The following ORC1 variants were observed in gnomAD, a reference collection of about 807,000 sequenced individuals.
ORC1 encodes origin recognition complex, subunit 1 homolog.
ORC1 carries 61 observed loss-of-function variants against 98.9 expected under a neutral mutation model. The observed-to-expected ratio is 0.62, with a 90% CI of 0.50 to 0.76. The LOEUF (loss-of-function observed/expected upper bound fraction) is 0.76. Ranked by LOEUF, ORC1 falls within the 30% of genes least tolerant of loss-of-function variation. The probability of loss-of-function intolerance (pLI) is 0.00; values close to 1 mark genes in which losing one functional copy is unlikely to be tolerated. For missense variants in ORC1, 979 were observed against 1,072.2 expected (o/e 0.91, Z 1.21); for synonymous variants, 385 against 406.9 (o/e 0.95, Z 0.65).
intron 6 of ORC1, among the ~76,000 whole-genome samples, chr1:52,390,447 A>C (rs1438631100): frequency 6.6e-6 from 1 of 152,238 alleles, no homozygotes; most frequent in Non-Finnish European, 1.5e-5. Context: ...TAAAGTGGGA[A>C]AAGGACACCC....
upstream of ORC1, among the ~76,000 whole-genome samples, chr1:52,408,090 A>T (rs1648048713): frequency 6.6e-6 from 1 of 150,610 alleles, no homozygotes; most frequent in Non-Finnish European, 1.5e-5. Flanking sequence ...AAAATACAAA[A>T]ATTAGCTGGG....
upstream of ORC1, chr1:52,408,497 A>T: frequency 6.2e-7 from 1 of 1,600,580 alleles, no homozygotes; most frequent in Non-Finnish European, 8.6e-7. Context: ...CACTACTGTC[A>T]TGAGAACAGC....
chr1:52,388,281 ACTTAGGTCC>A, intron 8 of ORC1, among the ~76,000 whole-genome samples, 152 bp downstream of exon 8: 1 of 152,340 alleles, frequency 6.6e-6, no homozygotes, highest in East Asian at 1.9e-4. Context: ...CCTAGTGTTC[ACTTAGGTCC>A]CCTTCTCCAT....
At chr1:52,385,752 T>C (rs1647134021) in intron 9 of ORC1, 100 bp downstream of exon 9, 1 of 800,894 alleles carries the variant, frequency 1.2e-6, no homozygotes, top group African/African-American at 1.7e-5. Context: ...ACAGTGTATC[T>C]ACCTTTATTA....
intron 14 of ORC1, among the ~76,000 whole-genome samples, chr1:52,376,359 A>G (rs1646994716): frequency 6.6e-6 from 1 of 152,182 alleles, no homozygotes; most frequent in Non-Finnish European, 1.5e-5. Context: ...TACTAAAAAT[A>G]CAAAAATCAG....
At position 52,381,648 on chromosome 1, in the gene ORC1, G is replaced by A. The variant is rs896710176; in HGVS notation, c.2127C>T (p.Ala709=). ...GGTGCAGCTGGTGACTTACCTTCCT[G>A]GCTACCAGCTGGATGGCATCATCTT... ...AFEDDAIQLV[A]RKVAALSGDA... Residue 709 remains alanine, a synonymous_variant, in exon 14 of 17, where the codon GCC becomes GCT. Transcript: ENST00000371568. 6.2e-7 allele frequency: 1 copy of A among 1,612,522 alleles called. No homozygotes were observed. Among genetic ancestry groups the A allele is most frequent in the Non-Finnish European group, 8.5e-7 (1 of 1,179,686 alleles).
In ORC1 at chr1:52,389,248, A is replaced by G; in HGVS notation, c.1156T>C (p.Leu386=). The change falls in exon 7 of 17, where the codon TTG becomes CTG. Residue 386 remains leucine (L), a synonymous_variant. Transcript: ENST00000371568. The stretch of plus-strand genomic sequence containing the variant: ...TGCTGCCTAATCCGATTCATAGTCA[A>G]GACAGAACTCTTTCTGCGGATACGA... ...PHRIRRKSSV[L]TMNRIRQQLR... The G allele has an allele frequency of 6.2e-7, 1 of 1,614,206 alleles. No homozygotes were observed. Among genetic ancestry groups the G allele is most frequent in the Non-Finnish European group, 8.5e-7 (1 of 1,180,024 alleles).
chr1:52,404,591 G>A (rs546347503), upstream of ORC1: 11 of 663,322 alleles, frequency 1.7e-5, no homozygotes, highest in Non-Finnish European at 2.7e-5. Flanking sequence ...CGCGGGGAGC[G>A]GAAGCCCTTT....
At chr1:52,385,498 A>T (rs1327205824) in intron 9 of ORC1, among the ~76,000 whole-genome samples, 1 of 152,074 alleles carries the variant, frequency 6.6e-6, no homozygotes, top group East Asian at 1.9e-4. Context: ...GGAGATTCAG[A>T]TTTTGCTTGA....
chr1:52,384,559 T>G lies in ORC1; in HGVS notation c.1746A>C (p.Gln582His), dbSNP rs998590607. ...AAACAGCTCTGCTTACCTGCAAGAT[T>G]TGCACATAGACTTGGTGGGGCTCCG... is the stretch of plus-strand genomic sequence containing the variant. Reference protein sequence around the residue: ...KLTEPHQVYVQILQKLTGQKA... With the variant: ...KLTEPHQVYVHILQKLTGQKA... The change falls in exon 11 of 17, where the codon CAA (glutamine) becomes CAC (histidine). Residue 582 changes from glutamine (Q) to histidine (H), a missense_variant. Transcript: ENST00000371568. The G allele has an allele frequency of 3.7e-6, 6 of 1,613,982 alleles. No homozygotes were observed. The highest frequency in any genetic ancestry group is 5.1e-6 in the Non-Finnish European group (6 of 1,180,008).
chr1:52,384,156 G>A (rs1647110335), intron 11 of ORC1, among the ~76,000 whole-genome samples: 1 of 152,238 alleles, frequency 6.6e-6, no homozygotes, highest in Non-Finnish European at 1.5e-5. Context: ...ATGAGTCACA[G>A]GCTGGGCCAG....
Position 52,375,467 on chromosome 1 carries a change from C to G in ORC1, c.2266G>C (p.Asp756His). ...VTIAHSMEAV[D>H]EMFSSSYITA... ...ATGTATGATGATGAAAACATCTCAT[C>G]CACAGCTTCCATTGAGTGGGCTATG... Residue 756 changes from aspartate (D) to histidine (H), a missense_variant, in exon 15 of 17, where the codon GAT (aspartate) becomes CAT (histidine). By Grantham distance (81) the Asp-to-His change is moderately conservative (BLOSUM62 -1). Transcript: ENST00000371568. 1.9e-6 allele frequency: 3 copies of G among 1,614,162 alleles called. No individual in the cohort carries two copies. Among genetic ancestry groups the G allele is most frequent in the Non-Finnish European group, 2.5e-6 (3 of 1,180,028 alleles).
In ORC1 at chr1:52,397,744, A is replaced by T; in HGVS notation, c.343T>A (p.Tyr115Asn). Reference protein sequence around the residue: ...RKPGAQEIFWYDYPACDSNIN... With the variant: ...RKPGAQEIFWNDYPACDSNIN... ...TTGCTGTCACAGGCCGGGTAATCAT[A>T]CCAGAATATTTCCTGTGCACCAGGC... Residue 115 changes from tyrosine (Y) to asparagine (N), a missense_variant, in exon 4 of 17, where the codon TAT (tyrosine) becomes AAT (asparagine). Tyr to Asn is a moderately radical substitution (Grantham distance 143, BLOSUM62 -2). Coordinates refer to ENST00000371568, the MANE Select transcript of ORC1 (RefSeq NM_004153.4). 1 of 1,614,188 alleles carries T rather than the reference A, an allele frequency of 6.2e-7. No individual in the cohort carries two copies. The highest frequency in any genetic ancestry group is 8.5e-7 in the Non-Finnish European group (1 of 1,180,018).
At chr1:52,386,734 G>A (rs1162890492) in intron 8 of ORC1, among the ~76,000 whole-genome samples, 2 of 152,174 alleles carry the variant, frequency 1.3e-5, no homozygotes, top group Non-Finnish European at 2.9e-5. Context: ...GGCCAAGAAG[G>A]GAGGACTGCT....
intron 8 of ORC1, among the ~76,000 whole-genome samples, 171 bp downstream of exon 8, chr1:52,388,271 C>T (rs961475551): frequency 2.0e-5 from 3 of 152,170 alleles, no homozygotes; most frequent in Admixed American, 2.0e-4. Context: ...CATTTTCAGT[C>T]CTAGTGTTCA....
chr1:52,406,690 C>G (rs558876578), upstream of ORC1, among the ~76,000 whole-genome samples: 1 of 152,172 alleles, frequency 6.6e-6, no homozygotes, highest in South Asian at 2.1e-4. Context: ...TACCGATTCT[C>G]GAGGAAATCA....
intron 13 of ORC1, among the ~76,000 whole-genome samples, chr1:52,382,465 C>T (rs958395684): frequency 2.6e-5 from 4 of 152,024 alleles, no homozygotes; most frequent in African/African-American, 4.8e-5. Context: ...TTTCTCATTG[C>T]GCTTCCTGCT....
chr1:52,401,505 G>T lies in ORC1; in HGVS notation c.96-16C>A. 6.2e-7 allele frequency: 1 copy of T among 1,613,710 alleles called. No individual in the cohort carries two copies. Among genetic ancestry groups the T allele is most frequent in the Non-Finnish European group, 8.5e-7 (1 of 1,179,960 alleles). ...ACACATTTCTCTAGGAAGTAACAGA[G>T]AAGCACATTAGGAAATAACTTAAAG... On this transcript the variant is annotated splice_polypyrimidine_tract_variant and intron_variant, in intron 2 of 16. Coordinates refer to ENST00000371568, the MANE Select transcript of ORC1 (RefSeq NM_004153.4).
rs1395831670 is a variant in ORC1, at chr1:52,373,222, C to A, written c.2545G>T (p.Val849Phe). ...GCATACAGCACATCATCCTGGCTGA[C>A]GTTGAGCCGCACCCGAAGGAGCAGA... is the stretch of plus-strand genomic sequence containing the variant. ...NDLLLRVRLN[V>F]SQDDVLYALK... Residue 849 changes from valine to phenylalanine, a missense_variant, in exon 17 of 17, where the codon GTC (valine) becomes TTC (phenylalanine). Val to Phe is a conservative substitution (Grantham distance 50). Coordinates refer to ENST00000371568, the MANE Select transcript of ORC1 (RefSeq NM_004153.4). 1 of 1,614,090 alleles carries A rather than the reference C, an allele frequency of 6.2e-7. No homozygotes were observed. Among genetic ancestry groups the A allele is most frequent in the African/African-American group, 1.3e-5 (1 of 74,928 alleles).
Sources: allele counts gnomAD v4.1 joint callset (sites outside exome capture counted in the v4.1 genomes callset), GRCh38; gene constraint gnomAD v4.1.1; transcripts MANE v1.5; gene names NCBI Gene and HGNC (gene_info 2026-07-23, HGNC 2026-07-21).